MTHFD1L: variants seen among roughly 807,000 people sequenced by gnomAD.
MTHFD1L encodes methylenetetrahydrofolate dehydrogenase (NADP+ dependent) 1 like.
A neutral mutation model predicts 119.5 loss-of-function variants in MTHFD1L; 81 were observed. The ratio of observed to expected loss-of-function variants is 0.68; its 90% confidence interval spans 0.57 to 0.82. The LOEUF (loss-of-function observed/expected upper bound fraction) is 0.82. MTHFD1L is among the 40% of genes least tolerant of loss of function. The pLI is 0.00. For synonymous variants in MTHFD1L, 430 were observed against 475.2 expected (o/e 0.90, Z 1.24); for missense variants, 1,125 against 1,253.4 (o/e 0.90, Z 1.55).
intron 20 of MTHFD1L, among the ~76,000 whole-genome samples, chr6:150,996,034 C>T (rs141209443): frequency 1.3e-3 from 191 of 152,240 alleles, no homozygotes; most frequent in Non-Finnish European, 2.3e-3. Context: ...ACAAAAAATG[C>T]TCATCCCTGC....
At chr6:150,940,116 C>G (rs983455048) in intron 13 of MTHFD1L, among the ~76,000 whole-genome samples, 2 of 152,128 alleles carry the variant, frequency 1.3e-5, no homozygotes, top group African/African-American at 4.8e-5. Context: ...CCACAGACTC[C>G]CTCTGTGTTT....
intron 8 of MTHFD1L, among the ~76,000 whole-genome samples, chr6:150,915,280 G>C (rs1379650794): frequency 6.6e-6 from 1 of 151,918 alleles, no homozygotes; most frequent in Non-Finnish European, 1.5e-5. Flanking sequence ...TAGCTCATCA[G>C]CTATCATAGT....
intron 17 of MTHFD1L, among the ~76,000 whole-genome samples, chr6:150,959,728 AGACAGACAATGCAG>A (rs1289798283): frequency 6.6e-6 from 1 of 152,184 alleles, no homozygotes; most frequent in East Asian, 1.9e-4. Flanking sequence ...TCTCTGTGCC[AGACAGACAATGCAG>A]CCTTCTTGAC....
chr6:151,079,818 C>G (rs943423523), intron 26 of MTHFD1L, among the ~76,000 whole-genome samples: 3 of 151,326 alleles, frequency 2.0e-5, no homozygotes, highest in Non-Finnish European at 4.4e-5. Flanking sequence ...ATAGTAAGCC[C>G]TAAAGAGCAG....
At position 151,015,028 on chromosome 6, in the gene MTHFD1L, C is replaced by G. The variant is rs746866741; in HGVS notation, c.2408+48C>G. The G allele has an allele frequency of 2.8e-6, 4 of 1,449,466 alleles. No individual in the cohort carries two copies. The East Asian group carries it at 9.2e-5, about 33-fold the overall frequency. 89.8% of individuals were successfully genotyped at this position (1,449,466 alleles called of 1,614,324 possible). ...AATGTGGGCATTATCACTAGGCCAC[C>G]CTGTGAACGATATTTGTGTCTTGGG... On this transcript the variant is annotated intron_variant, in intron 23 of 27. Transcript: ENST00000367321.
chr6:150,989,527 CTTATT>C (rs1007262794), intron 20 of MTHFD1L, among the ~76,000 whole-genome samples: 2 of 152,138 alleles, frequency 1.3e-5, no homozygotes, highest in Admixed American at 1.3e-4. Context: ...CAACTGACAA[CTTATT>C]TTAAGTAATA....
chr6:150,924,498 A>G (rs1435483832), intron 10 of MTHFD1L, among the ~76,000 whole-genome samples: 1 of 151,514 alleles, frequency 6.6e-6, no homozygotes, highest in Non-Finnish European at 1.5e-5. Context: ...TTGTTTTTTG[A>G]GACAGTCTTA....
At chr6:150,970,970 A>G (rs1313237039) in intron 19 of MTHFD1L, among the ~76,000 whole-genome samples, 1 of 152,174 alleles carries the variant, frequency 6.6e-6, no homozygotes, top group East Asian at 1.9e-4. Context: ...ATTTCTGGAT[A>G]AAGAAGTTGG....
chr6:150,960,755 A>G (rs1272099794), intron 18 of MTHFD1L, among the ~76,000 whole-genome samples: 1 of 152,122 alleles, frequency 6.6e-6, no homozygotes, highest in Non-Finnish European at 1.5e-5. Context: ...TGTACCTTCT[A>G]TGCCTGCCTG....
At chr6:151,088,309 T>C (rs1156474571) in intron 26 of MTHFD1L, 1 of 152,180 alleles carries the variant, frequency 6.6e-6, no homozygotes, top group African/African-American at 2.4e-5. Context: ...GTAGCTGCAC[T>C]TCTTGGAAGA....
intron 18 of MTHFD1L, among the ~76,000 whole-genome samples, chr6:150,962,125 G>A (rs574371060): frequency 1.1e-4 from 17 of 152,188 alleles, no homozygotes; most frequent in African/African-American, 2.6e-4. Flanking sequence ...AAGTAGCTGG[G>A]ATTATGGGTG....
chr6:150,955,658 C>T (rs967180573), intron 16 of MTHFD1L, among the ~76,000 whole-genome samples: 1 of 151,992 alleles, frequency 6.6e-6, no homozygotes, highest in Non-Finnish European at 1.5e-5. Context: ...CACAACCATG[C>T]CTGGCAAATT....
At chr6:151,072,224 T>C (rs1792029271) in intron 26 of MTHFD1L, among the ~76,000 whole-genome samples, 1 of 152,202 alleles carries the variant, frequency 6.6e-6, no homozygotes, top group African/African-American at 2.4e-5. Context: ...CATTAGTAAA[T>C]GAATGAAATT....
intron 5 of MTHFD1L, among the ~76,000 whole-genome samples, chr6:150,885,193 T>G (rs775078928): frequency 7.4e-5 from 10 of 134,490 alleles, no homozygotes; most frequent in Non-Finnish European, 1.1e-4. Flanking sequence ...AATTCATTTT[T>G]TATGGGTTTT....
At chr6:151,022,080 A>ACGAAGACAGCCTGGAGC in intron 24 of MTHFD1L, 1 of 471,090 alleles carries the variant, frequency 2.1e-6, no homozygotes, top group South Asian at 1.5e-5. Context: ...AAAACAAACC[A>ACGAAGACAGCCTGGAGC]CGAAGACAGC....
intron 7 of MTHFD1L, among the ~76,000 whole-genome samples, chr6:150,901,433 G>A (rs1375421709): frequency 6.6e-6 from 1 of 152,244 alleles, no homozygotes; most frequent in Non-Finnish European, 1.5e-5. Flanking sequence ...TGAGACTGCA[G>A]TGCCACTGCA....
At chr6:150,923,646 A>C (rs1337511094) in intron 10 of MTHFD1L, among the ~76,000 whole-genome samples, 1 of 148,916 alleles carries the variant, frequency 6.7e-6, no homozygotes, top group South Asian at 2.1e-4. Context: ...TGGGATTACA[A>C]GCATGAGCCA....
chr6:151,059,913 C>T (rs1790429121), intron 26 of MTHFD1L, among the ~76,000 whole-genome samples: 1 of 152,290 alleles, frequency 6.6e-6, no homozygotes, highest in Non-Finnish European at 1.5e-5. Flanking sequence ...TGGTTCCAGA[C>T]TCAAGCCCTT....
Position 150,920,939 on chromosome 6 carries a change from A to ATTTTTTTTTTTT in MTHFD1L, c.985-1248_985-1237dup, listed in dbSNP as rs869169480. On this transcript the variant is annotated intron_variant, in intron 9 of 27. Coordinates refer to ENST00000367321, the MANE Select transcript of MTHFD1L (RefSeq NM_015440.5). ...AGGCACATGCCACCACACCCAGATA[A>ATTTTTTTTTTTT]TTTTTTTTTTTTTTTTTTTTTTTTT... 4.1e-5 allele frequency among the ~76,000 whole-genome samples: 4 copies of ATTTTTTTTTTTT among 96,874 alleles called. 2 individuals are homozygous for ATTTTTTTTTTTT. The highest frequency in any genetic ancestry group is 3.9e-5 in the Non-Finnish European group (2 of 50,754). The allele number at this position is 96,874 out of a possible 152,430, so 63.6% of individuals were successfully genotyped here. A position where few individuals can be genotyped will look rare whatever the true frequency, so the allele number is the denominator to read the frequency against.
Sources: allele counts gnomAD v4.1 joint callset (sites outside exome capture counted in the v4.1 genomes callset), GRCh38; gene constraint gnomAD v4.1.1; transcripts MANE v1.5; gene names NCBI Gene and HGNC (gene_info 2026-07-23, HGNC 2026-07-21).